The following CAMKMT variants were observed in gnomAD, a reference collection of about 807,000 sequenced individuals.
CAMKMT encodes CaM KMT.
Under a neutral mutation model 48.0 loss-of-function variants are expected in CAMKMT, and 53 were observed. That is an observed-to-expected ratio of 1.10 (90% CI 0.89 to 1.39). CAMKMT has a LOEUF of 1.39. CAMKMT is among the 40% of genes most tolerant of loss of function. CAMKMT has a pLI of 0.00. For synonymous variants in CAMKMT, 165 were observed against 152.3 expected (o/e 1.08, Z -0.61); for missense variants, 428 against 402.7 (o/e 1.06, Z -0.54).
chr2:44,682,300 T>C (rs1216324301), intron 3 of CAMKMT, among the ~76,000 whole-genome samples: 1 of 152,232 alleles, frequency 6.6e-6, no homozygotes, highest in African/African-American at 2.4e-5. Context: ...TCAACAACAG[T>C]AGCATGAAAT....
At chr2:44,587,601 G>A (rs1422156057) in intron 3 of CAMKMT, among the ~76,000 whole-genome samples, 1 of 136,576 alleles carries the variant, frequency 7.3e-6, no homozygotes, top group African/African-American at 2.7e-5. Context: ...TCAGCCTGCC[G>A]AGTGCCTGCG....
chr2:44,736,458 A>G lies in CAMKMT; in HGVS notation c.624-7164A>G, dbSNP rs111980624. Among the ~76,000 whole-genome samples, 644 of 152,204 alleles carry G rather than the reference A, an allele frequency of 4.2e-3. 2 individuals are homozygous for G. The highest frequency in any genetic ancestry group is 0.014 in the African/African-American group (597 of 41,540). On this transcript the variant is annotated intron_variant, in intron 7 of 10. Transcript: ENST00000378494. ...CTTTTCAGATTTTCTCTTTATCACTACTTTTAGGCAATTCGATTATTATTA... is the reference window on the plus strand; with the variant it reads ...CTTTTCAGATTTTCTCTTTATCACTGCTTTTAGGCAATTCGATTATTATTA...
At chr2:44,685,741 C>A (rs1033322551) in intron 3 of CAMKMT, among the ~76,000 whole-genome samples, 4 of 152,140 alleles carry the variant, frequency 2.6e-5, no homozygotes, top group Admixed American at 2.0e-4. Context: ...AGGTCCATAT[C>A]ACACTGTGAT....
At chr2:44,382,197 C>G (rs932245058) in intron 2 of CAMKMT, among the ~76,000 whole-genome samples, 8 of 152,052 alleles carry the variant, frequency 5.3e-5, no homozygotes, top group African/African-American at 1.4e-4. Context: ...CCTGCGTCAA[C>G]CTCCTAAAGT....
chr2:44,694,466 T>G (rs1245471651), intron 3 of CAMKMT, among the ~76,000 whole-genome samples: 1 of 152,112 alleles, frequency 6.6e-6, no homozygotes, highest in Admixed American at 6.5e-5. Flanking sequence ...CCCACCTACT[T>G]GGGAGAGAAT....
intron 3 of CAMKMT, among the ~76,000 whole-genome samples, chr2:44,628,797 G>A (rs1315016320): frequency 6.6e-6 from 1 of 151,888 alleles, no homozygotes; most frequent in African/African-American, 2.4e-5. Flanking sequence ...ACAGTATATT[G>A]TTTAATTGCC....
intron 3 of CAMKMT, among the ~76,000 whole-genome samples, chr2:44,453,029 A>AGC (rs1667374966): frequency 6.6e-6 from 1 of 152,074 alleles, no homozygotes; most frequent in East Asian, 1.9e-4. Flanking sequence ...ACTATGCTAA[A>AGC]ATATCAAAGA....
At position 44,369,159 on chromosome 2, in the gene CAMKMT, C is replaced by T. The variant is rs187556515; in HGVS notation, c.139-3557C>T. ...TTTGCCTCTGAAAGTGCTGGGATTACAGGCATGAGCCACCATGCCTGAACA... is the reference window on the plus strand; with the variant it reads ...TTTGCCTCTGAAAGTGCTGGGATTATAGGCATGAGCCACCATGCCTGAACA... On this transcript the variant is annotated intron_variant, in intron 1 of 10. Coordinates refer to ENST00000378494, the MANE Select transcript of CAMKMT (RefSeq NM_024766.5). Among the ~76,000 whole-genome samples the T allele has an allele frequency of 2.6e-5, 4 of 152,268 alleles. No homozygotes were observed. The East Asian group carries it at 7.7e-4, about 29-fold the overall frequency.
At chr2:44,413,761 G>A (rs1683372567) in intron 3 of CAMKMT, among the ~76,000 whole-genome samples, 3 of 152,116 alleles carry the variant, frequency 2.0e-5, no homozygotes, top group African/African-American at 7.2e-5. Context: ...TATCTACTGT[G>A]TTGTTCACTT....
At chr2:44,497,709 AAG>A (rs70937918) in intron 3 of CAMKMT, among the ~76,000 whole-genome samples, 56,054 of 138,608 alleles carry the variant, frequency 0.4, 11,754 homozygotes, top group South Asian at 0.55. Context: ...TAAGCAGGCA[AAG>A]AGAGAGAGAG....
At chr2:44,538,395 A>G (rs1666900628) in intron 3 of CAMKMT, among the ~76,000 whole-genome samples, 1 of 151,440 alleles carries the variant, frequency 6.6e-6, no homozygotes, top group Non-Finnish European at 1.5e-5. Context: ...AGAAAAGAAA[A>G]GAAAAAAGAA....
At chr2:44,673,412 G>A (rs1328168858) in intron 3 of CAMKMT, among the ~76,000 whole-genome samples, 2 of 138,356 alleles carry the variant, frequency 1.4e-5, no homozygotes, top group African/African-American at 5.4e-5. Context: ...CTGGGGGACA[G>A]AATGAGACCC....
chr2:44,720,716 G>A (rs1321079768), intron 7 of CAMKMT, among the ~76,000 whole-genome samples: 1 of 152,076 alleles, frequency 6.6e-6, no homozygotes, highest in African/African-American at 2.4e-5. Context: ...TTCAGAAGTG[G>A]ATTGTGTCTA....
At chr2:44,376,159 T>G (rs973342877) in intron 2 of CAMKMT, among the ~76,000 whole-genome samples, 2 of 151,938 alleles carry the variant, frequency 1.3e-5, no homozygotes, top group Non-Finnish European at 2.9e-5. Context: ...GCCTGTAGTT[T>G]CAGCACTTTG....
chr2:44,469,775 T>G (rs1668320596), intron 3 of CAMKMT, among the ~76,000 whole-genome samples: 1 of 152,110 alleles, frequency 6.6e-6, no homozygotes, highest in African/African-American at 2.4e-5. Flanking sequence ...TTATTTTGTC[T>G]TTAATTGTAT....
chr2:44,508,232 T>C (rs1670359638), intron 3 of CAMKMT, among the ~76,000 whole-genome samples: 1 of 152,166 alleles, frequency 6.6e-6, no homozygotes, highest in Non-Finnish European at 1.5e-5. Flanking sequence ...CACAGTGCCT[T>C]ATTCAGCATC....
chr2:44,497,717 G>GAGAGAGAC (rs1344953992), intron 3 of CAMKMT, among the ~76,000 whole-genome samples: 1 of 150,944 alleles, frequency 6.6e-6, no homozygotes, highest in African/African-American at 2.4e-5. Flanking sequence ...CAAAGAGAGA[G>GAGAGAGAC]AGAGAGAGAG....
intron 6 of CAMKMT, among the ~76,000 whole-genome samples, chr2:44,709,313 T>A (rs141495863): frequency 1.3e-5 from 2 of 152,168 alleles, no homozygotes; most frequent in Non-Finnish European, 1.5e-5. Context: ...GGAAGAACTT[T>A]ACAAAGTAGA....
At chr2:44,582,064 C>T (rs112288874) in intron 3 of CAMKMT, among the ~76,000 whole-genome samples, 2 of 152,182 alleles carry the variant, frequency 1.3e-5, no homozygotes, top group African/African-American at 4.8e-5. Flanking sequence ...AATTCTCAAA[C>T]GTTATTTATG....
Sources: gnomAD v4.1 joint callset for allele counts (sites outside exome capture counted in the v4.1 genomes callset) on GRCh38, gnomAD v4.1.1 for gene constraint, MANE v1.5 for transcripts, NCBI Gene and HGNC (gene_info 2026-07-23, HGNC 2026-07-21) for gene names.